MMS22L: variants seen among roughly 807,000 people sequenced by gnomAD.
The protein encoded by MMS22L is protein MMS22-like.
A neutral mutation model predicts 159.1 loss-of-function variants in MMS22L; 74 were observed. The observed-to-expected ratio is 0.47, with a 90% CI of 0.39 to 0.56. The LOEUF (loss-of-function observed/expected upper bound fraction) is 0.56, where lower values mean the gene tolerates loss of function less well. Ranked by LOEUF, MMS22L falls within the 20% of genes least tolerant of loss-of-function variation. MMS22L has a pLI of 0.00. For synonymous variants in MMS22L, 517 were observed against 506.9 expected (o/e 1.02, Z -0.27); for missense variants, 1,351 against 1,422.1 (o/e 0.95, Z 0.80).
At chr6:97,215,114 AT>A (rs1554266841) in intron 14 of MMS22L, among the ~76,000 whole-genome samples, 4,688 of 87,144 alleles carry the variant, frequency 0.054, 116 homozygotes, top group South Asian at 0.1. Context: ...ATATATATAT[AT>A]TTTTTTTTTG....
chr6:97,274,443 A>G (rs992564348), intron 4 of MMS22L, among the ~76,000 whole-genome samples: 1 of 152,184 alleles, frequency 6.6e-6, no homozygotes. Flanking sequence ...ACGGAGTAAA[A>G]TAATCAGATT....
In MMS22L at chr6:97,178,557, T is replaced by C. The variant is rs1368949358; in HGVS notation, c.2565A>G (p.Lys855=). ...VEKEYMKQLV[K]LTRLLFNLSE... ...AGAGATTAAATAGTAATCTTGTCAGTTTGACCAACTGTTTCATGTACTCTT... is the reference window on the plus strand; with the variant it reads ...AGAGATTAAATAGTAATCTTGTCAGCTTGACCAACTGTTTCATGTACTCTT... The change falls in exon 18 of 25, where the codon AAA becomes AAG. Residue 855 remains lysine, a synonymous_variant. Transcript: ENST00000683635. The C allele has an allele frequency of 6.5e-7, 1 of 1,549,926 alleles. No individual in the cohort carries two copies.
intron 11 of MMS22L, among the ~76,000 whole-genome samples, chr6:97,236,491 G>A (rs916113164): frequency 6.0e-4 from 91 of 152,142 alleles, no homozygotes; most frequent in African/African-American, 2.1e-3. Context: ...ACAATATTCA[G>A]TTGTGGGTGG....
At position 97,150,035 on chromosome 6, in the gene MMS22L, G is replaced by C. The variant is rs202000056; in HGVS notation, c.3483-15C>G. The C allele has an allele frequency of 4.6e-4, 740 of 1,609,966 alleles. 15 individuals are homozygous for C. In the South Asian group the frequency reaches 7.9e-3, roughly 17 times the overall value. ...GGATAAACTGCCTGAAAGTAAAACA[G>C]GTTTATTTAGGATTACTCCTGGGGC... On this transcript the variant is annotated splice_polypyrimidine_tract_variant and intron_variant, in intron 23 of 24. Transcript: ENST00000683635.
In MMS22L at chr6:97,229,110, AC is replaced by A; in HGVS notation, c.1822del (p.Val608CysfsTer62). The part of the protein sequence containing the change: ...AFREKAKEFL[V>X]SKNEEMVQRQ... ...CTGTACCATTTCCTCATTCTTAGAC[AC>A]CAAGAATTCCTTTGCTTTCTCCCGG... On this transcript the variant is annotated frameshift_variant, in exon 14 of 25. Coordinates refer to ENST00000683635, the MANE Select transcript of MMS22L (RefSeq NM_001350599.2). LOFTEE classifies it high-confidence loss of function. The A allele has an allele frequency of 6.2e-7, 1 of 1,614,092 alleles. No individual in the cohort carries two copies. Among genetic ancestry groups the A allele is most frequent in the Non-Finnish European group, 8.5e-7 (1 of 1,179,940 alleles).
intron 14 of MMS22L, among the ~76,000 whole-genome samples, chr6:97,222,970 G>A (rs1461526083): frequency 6.6e-6 from 1 of 152,116 alleles, no homozygotes; most frequent in African/African-American, 2.4e-5. Flanking sequence ...GAGAGGTAAT[G>A]TGAAATGTTA....
intron 10 of MMS22L, among the ~76,000 whole-genome samples, chr6:97,251,908 C>T (rs566185582): frequency 6.6e-6 from 1 of 152,028 alleles, no homozygotes; most frequent in Admixed American, 6.6e-5. Context: ...ACAGTGAAAC[C>T]CCGTTTCTAC....
intron 9 of MMS22L, among the ~76,000 whole-genome samples, chr6:97,256,309 T>G (rs1192968706): frequency 6.6e-6 from 1 of 152,180 alleles, no homozygotes; most frequent in African/African-American, 2.4e-5. Flanking sequence ...AGCTCATTTA[T>G]GTCCTACTCA....
At chr6:97,254,238 A>T (rs73494497) in intron 10 of MMS22L, 52 of 181,724 alleles carry the variant, frequency 2.9e-4, no homozygotes, top group African/African-American at 1.2e-3. Flanking sequence ...AATCTTTGTG[A>T]CAATCCAATC....
intron 24 of MMS22L, among the ~76,000 whole-genome samples, chr6:97,148,429 C>T (rs2128229871): frequency 6.6e-6 from 1 of 152,204 alleles, no homozygotes; most frequent in South Asian, 2.1e-4. Context: ...CAGGAGACGA[C>T]AGCTCCATGT....
chr6:97,200,988 T>C (rs1807086237), intron 14 of MMS22L, among the ~76,000 whole-genome samples: 1 of 152,140 alleles, frequency 6.6e-6, no homozygotes. Context: ...AAGTTACTCT[T>C]ATGGGAATAA....
chr6:97,229,585 T>C (rs569981191), intron 13 of MMS22L, among the ~76,000 whole-genome samples, 182 bp from the exon 14 acceptor site: 14 of 152,272 alleles, frequency 9.2e-5, no homozygotes, highest in African/African-American at 3.1e-4. Flanking sequence ...ACCTTGAAAT[T>C]TCCCAATGAT....
intron 14 of MMS22L, among the ~76,000 whole-genome samples, chr6:97,213,437 C>A (rs543423340): frequency 5.9e-5 from 9 of 152,034 alleles, no homozygotes; most frequent in Admixed American, 4.6e-4. Context: ...TAGAAATTTC[C>A]ATAGTATAAT....
chr6:97,228,467 T>C (rs777357628), intron 14 of MMS22L, among the ~76,000 whole-genome samples: 1 of 152,140 alleles, frequency 6.6e-6, no homozygotes, highest in East Asian at 1.9e-4. Context: ...AAGTGGAAAA[T>C]TGTATCTGGC....
chr6:97,147,109 T>C (rs1800961038), intron 24 of MMS22L, among the ~76,000 whole-genome samples: 1 of 152,140 alleles, frequency 6.6e-6, no homozygotes, highest in Non-Finnish European at 1.5e-5. Flanking sequence ...ATATAAAATG[T>C]GTGCTAAAAA....
intron 4 of MMS22L, among the ~76,000 whole-genome samples, chr6:97,277,085 TG>T (rs1816307744): frequency 6.6e-6 from 1 of 152,198 alleles, no homozygotes; most frequent in Non-Finnish European, 1.5e-5. Flanking sequence ...AGCTAGGCCA[TG>T]GTATCCCCTA....
intron 19 of MMS22L, among the ~76,000 whole-genome samples, chr6:97,170,902 G>A (rs141882103): frequency 7.9e-4 from 120 of 152,154 alleles, no homozygotes; most frequent in African/African-American, 2.9e-3. Context: ...AGCTACTCAG[G>A]AGACTGAGGC....
At chr6:97,205,583 TCTA>T (rs1413248660) in intron 14 of MMS22L, among the ~76,000 whole-genome samples, 1 of 152,206 alleles carries the variant, frequency 6.6e-6, no homozygotes, top group Non-Finnish European at 1.5e-5. Flanking sequence ...ACTGTGTCTC[TCTA>T]CTGTTTCCTA....
chr6:97,281,383 A>C, intron 2 of MMS22L, 21 bp from the exon 3 acceptor site: 1 of 1,573,402 alleles, frequency 6.4e-7, no homozygotes, highest in South Asian at 1.1e-5. Context: ...AATTGTTTCA[A>C]TCTCATAAAA....
Sources: allele counts gnomAD v4.1 joint callset (sites outside exome capture counted in the v4.1 genomes callset), GRCh38; gene constraint gnomAD v4.1.1; transcripts MANE v1.5; gene names NCBI Gene and HGNC (gene_info 2026-07-23, HGNC 2026-07-21).